The following UTS2 variants were observed in gnomAD, a reference collection of about 807,000 sequenced individuals.
UTS2 encodes urotensin-2.
A neutral mutation model predicts 12.6 loss-of-function variants in UTS2; 10 were observed. The ratio of observed to expected loss-of-function variants is 0.80; its 90% CI spans 0.49 to 1.35. UTS2 has a LOEUF of 1.35. Among genes scored for constraint, UTS2 ranks in the 40% most tolerant of loss-of-function variants. The pLI, the probability that UTS2 is intolerant of heterozygous loss-of-function variation, is 0.00. For synonymous variants in UTS2, 52 were observed against 50.0 expected (o/e 1.04, Z -0.17); for missense variants, 142 against 143.2 (o/e 0.99, Z 0.04).
chr1:7,866,817 C>T, the UTS2 span, among the ~76,000 whole-genome samples: 4 of 152,214 alleles, frequency 2.6e-5, no homozygotes, highest in South Asian at 2.1e-4. The surrounding 1 kb of genome is among the most constrained non-coding windows in gnomAD (Gnocchi z 4.5). Context: ...ACCATGGTAC[C>T]GGGCCTGGAA....
intron 2 of UTS2, 103 bp downstream of exon 2, chr1:7,850,709 T>C: frequency 8.3e-7 from 1 of 1,202,350 alleles, no homozygotes; most frequent in Non-Finnish European, 1.2e-6. Context: ...ATATAGCTCA[T>C]CTTTATATTC....
chr1:7,897,160 T>C, the UTS2 span, among the ~76,000 whole-genome samples: 5 of 152,382 alleles, frequency 3.3e-5, no homozygotes, highest in African/African-American at 9.6e-5. Flanking sequence ...CTTTTTACTA[T>C]GTTAACAATG....
chr1:7,852,944 A>G lies in UTS2; in HGVS notation c.60T>C (p.Ser20=), dbSNP rs45512694. ...LFIGFLNPLL[S]LPLLDSREIS... Reference sequence around the variant, plus strand: ...TTTCCCTGGAGTCAAGGAGAGGAAGAGATAAGAGAGGATTTAAGAATCCTA... The same window carrying G: ...TTTCCCTGGAGTCAAGGAGAGGAAGGGATAAGAGAGGATTTAAGAATCCTA... Residue 20 remains serine, a synonymous_variant, in exon 1 of 4, where the codon TCT becomes TCC. Coordinates refer to ENST00000361696, the MANE Select transcript of UTS2 (RefSeq NM_006786.4). The G allele has an allele frequency of 0.021, 34,419 of 1,613,310 alleles. 558 individuals are homozygous for G. The highest frequency in any genetic ancestry group is 0.061 in the Middle Eastern group (372 of 6,060).
At chr1:7,903,389 A>AT in the UTS2 span, among the ~76,000 whole-genome samples, 2 of 146,236 alleles carry the variant, frequency 1.4e-5, no homozygotes, top group African/African-American at 5.1e-5. Context: ...TAATTAATTA[A>AT]TTAATTTATT....
chr1:7,907,064 G>A, the UTS2 span, among the ~76,000 whole-genome samples: 1 of 151,482 alleles, frequency 6.6e-6, no homozygotes, highest in Non-Finnish European at 1.5e-5. Flanking sequence ...TGGGAGCCTG[G>A]GCAACATAGT....
chr1:7,856,339 A>G (rs1638305969), upstream of UTS2, among the ~76,000 whole-genome samples: 1 of 152,226 alleles, frequency 6.6e-6, no homozygotes, highest in African/African-American at 2.4e-5. Flanking sequence ...TATTGCTATG[A>G]AGAACAATAA....
At chr1:7,881,441 A>C in the UTS2 span, among the ~76,000 whole-genome samples, 1 of 152,246 alleles carries the variant, frequency 6.6e-6, no homozygotes, top group African/African-American at 2.4e-5. Context: ...ATTAAGTTGC[A>C]GTATATAAAA....
the UTS2 span, among the ~76,000 whole-genome samples, chr1:7,900,204 G>A: frequency 1.4e-3 from 216 of 152,198 alleles, no homozygotes; most frequent in Non-Finnish European, 2.5e-3. Context: ...TTCAAGACCA[G>A]CCTGGGCAAC....
the UTS2 span, among the ~76,000 whole-genome samples, chr1:7,909,991 T>C: frequency 6.6e-6 from 1 of 152,282 alleles, no homozygotes; most frequent in Non-Finnish European, 1.5e-5. Flanking sequence ...TGTGTTAACC[T>C]TACACAAGCC....
At chr1:7,881,706 C>T in the UTS2 span, among the ~76,000 whole-genome samples, 1 of 152,042 alleles carries the variant, frequency 6.6e-6, no homozygotes, top group Admixed American at 6.6e-5. Context: ...ACCATACTCC[C>T]CAAAGCAATC....
chr1:7,910,285 A>T, the UTS2 span, among the ~76,000 whole-genome samples: 1 of 71,782 alleles, frequency 1.4e-5, no homozygotes, highest in African/African-American at 5.4e-5. Context: ...CTGCCCGCCC[A>T]CCCTGCCTTT....
chr1:7,877,136 A>AG, the UTS2 span, among the ~76,000 whole-genome samples: 6 of 61,678 alleles, frequency 9.7e-5, 2 homozygotes, highest in African/African-American at 2.8e-4. Context: ...CAAAAAAAAA[A>AG]AAAAAAGAAA....
chr1:7,867,584 A>G, the UTS2 span, among the ~76,000 whole-genome samples: 927 of 152,282 alleles, frequency 6.1e-3, 11 homozygotes, highest in Non-Finnish European at 4.6e-3. Flanking sequence ...TCTTGAGAAA[A>G]TAAATCTGAA....
chr1:7,869,756 A>G, the UTS2 span, among the ~76,000 whole-genome samples: 1 of 152,236 alleles, frequency 6.6e-6, no homozygotes, highest in Non-Finnish European at 1.5e-5. Context: ...GGAAATAAAT[A>G]TCTGCTCCGC....
At chr1:7,867,696 T>C in the UTS2 span, among the ~76,000 whole-genome samples, 1 of 152,068 alleles carries the variant, frequency 6.6e-6, no homozygotes, top group East Asian at 1.9e-4. Context: ...GCCAACATGG[T>C]GAAACTCTGT....
chr1:7,875,723 C>T, the UTS2 span, among the ~76,000 whole-genome samples: 1 of 152,098 alleles, frequency 6.6e-6, no homozygotes, highest in South Asian at 2.1e-4. Context: ...TGAGGATGAT[C>T]CACTTTTCCC....
the UTS2 span, among the ~76,000 whole-genome samples, chr1:7,908,698 T>C: frequency 2.6e-5 from 4 of 152,012 alleles, no homozygotes; most frequent in African/African-American, 4.8e-5. Context: ...AATAAAGACA[T>C]AATTGAGACT....
the UTS2 span, among the ~76,000 whole-genome samples, chr1:7,890,728 C>A: frequency 0.019 from 2,044 of 106,732 alleles, no homozygotes; most frequent in Non-Finnish European, 0.021. Flanking sequence ...CCCATCTCCA[C>A]AAAAAAAAAA....
chr1:7,888,996 C>A, the UTS2 span, among the ~76,000 whole-genome samples: 2 of 151,802 alleles, frequency 1.3e-5, no homozygotes, highest in Non-Finnish European at 2.9e-5. Flanking sequence ...CGCATAACTC[C>A]TCGAGGGCTG....
Sources: allele counts gnomAD v4.1 joint callset (sites outside exome capture counted in the v4.1 genomes callset), GRCh38; gene constraint gnomAD v4.1.1; non-coding constraint Gnocchi (gnomAD v3.1); transcripts MANE v1.5; gene names NCBI Gene and HGNC (gene_info 2026-07-23, HGNC 2026-07-21).